SPARC: variants seen among roughly 807,000 people sequenced by gnomAD.
SPARC encodes basement-membrane protein 40.
A neutral mutation model predicts 37.7 loss-of-function variants in SPARC; 23 were observed. The observed-to-expected ratio is 0.61, with a 90% confidence interval of 0.44 to 0.87. The LOEUF is 0.87. SPARC is among the 40% of genes least tolerant of loss of function. The pLI, the probability that SPARC is intolerant of heterozygous loss-of-function variation, is 0.00. For missense variants in SPARC, 312 were observed against 389.0 expected (o/e 0.80, Z 1.66); for synonymous variants, 155 against 150.8 (o/e 1.03, Z -0.20).
intron 9 of SPARC, 79 bp downstream of exon 9, chr5:151,664,006 GGA>G: frequency 1.3e-6 from 2 of 1,519,764 alleles, no homozygotes; most frequent in Non-Finnish European, 1.8e-6. Context: ...CCAAGAGAGC[GGA>G]GAGTGGGGGG....
At chr5:151,676,229 G>C (rs1459820618) in intron 1 of SPARC, 28 bp from the exon 2 acceptor site, 2 of 1,509,196 alleles carry the variant, frequency 1.3e-6, no homozygotes, top group East Asian at 2.3e-5. Context: ...TGAGAGTTCA[G>C]TGAGGGTGAG....
chr5:151,671,194 G>T (rs529444510), intron 5 of SPARC, among the ~76,000 whole-genome samples: 1 of 152,182 alleles, frequency 6.6e-6, no homozygotes, highest in South Asian at 2.1e-4. Flanking sequence ...GACCTGAAAA[G>T]GTTCGGCAAC....
intron 1 of SPARC, among the ~76,000 whole-genome samples, chr5:151,683,909 C>T (rs1761068251): frequency 6.6e-6 from 1 of 152,188 alleles, no homozygotes; most frequent in South Asian, 2.1e-4. Flanking sequence ...GATGTTTATA[C>T]TCTTCATCCC....
intron 2 of SPARC, among the ~76,000 whole-genome samples, chr5:151,674,893 T>C (rs1760824214): frequency 6.6e-6 from 1 of 152,194 alleles, no homozygotes; most frequent in Non-Finnish European, 1.5e-5. Context: ...CCATTTTATA[T>C]ATTTTATATC....
At chr5:151,680,200 G>T (rs1426955478) in intron 1 of SPARC, among the ~76,000 whole-genome samples, 2 of 140,532 alleles carry the variant, frequency 1.4e-5, no homozygotes, top group Admixed American at 7.2e-5. Flanking sequence ...CTGCAATAGA[G>T]AATAGTGGAA....
intron 6 of SPARC, among the ~76,000 whole-genome samples, chr5:151,668,405 G>A (rs145863802): frequency 2.1e-4 from 32 of 152,104 alleles, no homozygotes; most frequent in African/African-American, 6.0e-4. Flanking sequence ...CTCCCTACTC[G>A]GCCTCCCAAA....
intron 6 of SPARC, 110 bp downstream of exon 6, chr5:151,669,554 A>G: frequency 9.4e-6 from 12 of 1,276,974 alleles, no homozygotes; most frequent in Non-Finnish European, 1.2e-5. Flanking sequence ...TCAGAAAGGG[A>G]GAGAGATTTG....
chr5:151,667,668 C>A, intron 6 of SPARC, 68 bp from the exon 7 acceptor site: 1 of 1,547,816 alleles, frequency 6.5e-7, no homozygotes, highest in Non-Finnish European at 8.7e-7. Flanking sequence ...CCCAGGCCCC[C>A]ACCCACCCAC....
At position 151,663,405 on chromosome 5, in the gene SPARC, T is replaced by C; in HGVS notation, c.*166A>G. 4.4e-6 allele frequency: 3 copies of C among 677,034 alleles called. No individual in the cohort carries two copies. The highest frequency in any genetic ancestry group is 5.2e-6 in the Non-Finnish European group (2 of 383,366). The allele number at this position is 677,034 out of a possible 1,614,324, so 41.9% of individuals were successfully genotyped here. A position where few individuals can be genotyped will look rare whatever the true frequency, so the allele number is the denominator to read the frequency against. On this transcript the variant is annotated 3_prime_UTR_variant, in exon 10 of 10. Transcript: ENST00000231061. ...TTAAGTTACAGCTAAGAATGTCATG[T>C]CTTGGGTTAGAATTTTCATTTTTAG...
At chr5:151,677,830 G>A (rs66912316) in intron 1 of SPARC, among the ~76,000 whole-genome samples, 24,322 of 152,116 alleles carry the variant, frequency 0.16, 3,338 homozygotes, top group African/African-American at 0.38. Context: ...AGTGAATGAA[G>A]TAAAACTAAC....
intron 1 of SPARC, chr5:151,686,576 G>T (rs1761145242): frequency 6.6e-6 from 1 of 152,298 alleles, no homozygotes; most frequent in Non-Finnish European, 1.5e-5. Context: ...ACCAGAGACA[G>T]ACACAGAGAA....
intron 3 of SPARC, 54 bp from the exon 4 acceptor site, chr5:151,673,270 A>C: frequency 8.0e-7 from 1 of 1,247,620 alleles, no homozygotes; most frequent in Non-Finnish European, 1.2e-6. Flanking sequence ...TCCCAGACCC[A>C]TAAGGGTAGC....
chr5:151,675,051 C>T (rs1335917462), intron 2 of SPARC, among the ~76,000 whole-genome samples: 1 of 152,188 alleles, frequency 6.6e-6, no homozygotes, highest in East Asian at 1.9e-4. Flanking sequence ...TGAATTTTAA[C>T]AGATGTCATC....
intron 5 of SPARC, 118 bp downstream of exon 5, chr5:151,671,455 G>A: frequency 8.1e-7 from 1 of 1,241,352 alleles, no homozygotes; most frequent in Non-Finnish European, 1.1e-6. Flanking sequence ...GTCTAGCAAG[G>A]GGACTTCTGA....
At position 151,667,493 on chromosome 5, in the gene SPARC, GGTT is replaced by G. The variant is rs748423029; in HGVS notation, c.556_558del (p.Asn186del). ...CGCAGCTTCTGCTTCTCAGTCAGAA[GGTT>G]GTTGTCCTCATCCCTCTCATACAGG... is the stretch of plus-strand genomic sequence containing the variant. On this transcript the variant is annotated inframe_deletion, in exon 7 of 10. Coordinates refer to ENST00000231061, the MANE Select transcript of SPARC (RefSeq NM_003118.4). 5 of 1,614,094 alleles carry G rather than the reference GGTT, an allele frequency of 3.1e-6. No homozygotes were observed. In the African/African-American group the frequency reaches 5.3e-5, roughly 17 times the overall value.
intron 3 of SPARC, among the ~76,000 whole-genome samples, chr5:151,674,389 T>C (rs1760812663): frequency 6.6e-6 from 1 of 152,038 alleles, no homozygotes; most frequent in Admixed American, 6.6e-5. Context: ...AAACAAAAAT[T>C]TTAAGGTCCT....
chr5:151,676,238 A>T, intron 1 of SPARC, 37 bp from the exon 2 acceptor site: 1 of 1,424,564 alleles, frequency 7.0e-7, no homozygotes, highest in South Asian at 1.2e-5. Context: ...AGTGAGGGTG[A>T]GACTTCCTTA....
chr5:151,664,717 A>C (rs1268324497), intron 8 of SPARC, among the ~76,000 whole-genome samples: 4 of 152,172 alleles, frequency 2.6e-5, no homozygotes, highest in African/African-American at 9.7e-5. Flanking sequence ...TGACACACCA[A>C]TCTGGTGACA....
In SPARC at chr5:151,666,372, G is replaced by T. The variant is rs779663480; in HGVS notation, c.723C>A (p.His241Gln). ...GTCTGGGGTCTTACCCGTCAATGGGGTGCTGGTCCAGCTGGCCGAACTGCC... is the reference window on the plus strand; with the variant it reads ...GTCTGGGGTCTTACCCGTCAATGGGTTGCTGGTCCAGCTGGCCGAACTGCC... ...VHWQFGQLDQ[H>Q]PIDGYLSHTE... The change falls in exon 8 of 10, where the codon CAC (histidine) becomes CAA (glutamine). Residue 241 changes from histidine to glutamine, a missense_variant. Transcript: ENST00000231061. 8.1e-6 allele frequency: 13 copies of T among 1,613,966 alleles called. No homozygotes were observed. The highest frequency in any genetic ancestry group is 1.1e-5 in the Non-Finnish European group (13 of 1,179,890).
Sources: gnomAD v4.1 joint callset for allele counts (sites outside exome capture counted in the v4.1 genomes callset) on GRCh38, gnomAD v4.1.1 for gene constraint, MANE v1.5 for transcripts, NCBI Gene and HGNC (gene_info 2026-07-23, HGNC 2026-07-21) for gene names.